Variants in EPHA6 observed in about 807,000 individuals in gnomAD.
EPHA6 encodes EPH receptor A6.
EPHA6 carries 50 observed loss-of-function variants against 112.0 expected under a neutral mutation model. The observed-to-expected ratio is 0.45, with a 90% CI of 0.36 to 0.56. The LOEUF (loss-of-function observed/expected upper bound fraction) is 0.56. EPHA6 is among the 20% of genes least tolerant of loss of function. The pLI is 0.00. For synonymous variants in EPHA6, 529 were observed against 490.7 expected (o/e 1.08, Z -1.03); for missense variants, 1,280 against 1,417.4 (o/e 0.90, Z 1.56).
At chr3:97,113,860 A>G (rs1375943222) in intron 3 of EPHA6, among the ~76,000 whole-genome samples, 1 of 152,142 alleles carries the variant, frequency 6.6e-6, no homozygotes. Flanking sequence ...AAGGAAAAGA[A>G]AAACAAAAAC....
chr3:97,543,333 A>C, intron 11 of EPHA6, among the ~76,000 whole-genome samples: 1 of 152,110 alleles, frequency 6.6e-6, no homozygotes, highest in Admixed American at 6.6e-5. Flanking sequence ...TTTTCCCAGC[A>C]CCATTTATTA....
intron 3 of EPHA6, among the ~76,000 whole-genome samples, chr3:97,212,267 G>A (rs2077897830): frequency 6.6e-6 from 1 of 152,154 alleles, no homozygotes; most frequent in Non-Finnish European, 1.5e-5. Context: ...CAAATATGAA[G>A]AAAGTAATAT....
intron 11 of EPHA6, among the ~76,000 whole-genome samples, chr3:97,580,955 A>T (rs967500426): frequency 1.3e-5 from 2 of 152,198 alleles, no homozygotes; most frequent in Non-Finnish European, 2.9e-5. Context: ...TTGAGGTGAA[A>T]TTGGCTGGCT....
rs868188344 is a variant in EPHA6 at position 96,981,971 on chromosome 3, G to T, written c.451-5359G>T. 3.3e-5 allele frequency among the ~76,000 whole-genome samples: 5 copies of T among 152,076 alleles called. No individual in the cohort carries two copies. In the South Asian group the frequency reaches 8.3e-4, roughly 25 times the overall value. On this transcript the variant is annotated intron_variant, in intron 2 of 17. Transcript: ENST00000389672. Reference sequence around the variant, plus strand: ...TTCTTCTTTATTAGTCCTGCTAGCGGTCTATCAATTTTGTTGATCTTTTCA... The same window carrying T: ...TTCTTCTTTATTAGTCCTGCTAGCGTTCTATCAATTTTGTTGATCTTTTCA...
chr3:97,190,598 G>A (rs2077275445), intron 3 of EPHA6, among the ~76,000 whole-genome samples: 1 of 151,962 alleles, frequency 6.6e-6, no homozygotes. Flanking sequence ...TATTATTTAT[G>A]TTTTAATTGA....
chr3:97,033,618 A>G (rs1031863615), intron 3 of EPHA6, among the ~76,000 whole-genome samples: 2 of 151,996 alleles, frequency 1.3e-5, no homozygotes, highest in African/African-American at 2.4e-5. Context: ...TCTATAGAAA[A>G]TTGCACATAT....
At chr3:97,074,977 T>A (rs181032956) in intron 3 of EPHA6, among the ~76,000 whole-genome samples, 15 of 152,122 alleles carry the variant, frequency 9.9e-5, no homozygotes, top group Non-Finnish European at 1.8e-4. Context: ...TACCGTGTTA[T>A]CAGAACTAGT....
At chr3:97,690,501 C>A (rs563558254) in intron 14 of EPHA6, among the ~76,000 whole-genome samples, 1 of 149,934 alleles carries the variant, frequency 6.7e-6, no homozygotes, top group African/African-American at 2.5e-5. Context: ...GAGTTTCACT[C>A]TTGTTGCCCA....
chr3:97,224,809 C>G (rs1027475817), intron 3 of EPHA6, among the ~76,000 whole-genome samples: 2 of 151,612 alleles, frequency 1.3e-5, no homozygotes, highest in African/African-American at 4.8e-5. Context: ...ATGTAAGCTC[C>G]CCATTTAGAT....
intron 5 of EPHA6, among the ~76,000 whole-genome samples, chr3:97,330,205 G>A (rs1172335129): frequency 6.6e-6 from 1 of 152,126 alleles, no homozygotes; most frequent in Non-Finnish European, 1.5e-5. Flanking sequence ...GTACCATGCT[G>A]TTTTGGTTAC....
At chr3:97,173,981 C>T (rs2076765637) in intron 3 of EPHA6, among the ~76,000 whole-genome samples, 1 of 151,598 alleles carries the variant, frequency 6.6e-6, no homozygotes, top group African/African-American at 2.4e-5. Context: ...CTTATTCATT[C>T]TTTCTATTTT....
At chr3:97,122,505 A>T (rs541267452) in intron 3 of EPHA6, among the ~76,000 whole-genome samples, 3 of 152,216 alleles carry the variant, frequency 2.0e-5, no homozygotes, top group African/African-American at 7.2e-5. Flanking sequence ...TAATCCTTAT[A>T]TAAATCAAAA....
chr3:97,057,403 T>C (rs947044818), intron 3 of EPHA6, among the ~76,000 whole-genome samples: 2 of 152,226 alleles, frequency 1.3e-5, no homozygotes, highest in African/African-American at 4.8e-5. Flanking sequence ...GATGCTATGA[T>C]GGTTAAGTCT....
At chr3:97,660,106 T>A (rs1012868797) in intron 14 of EPHA6, among the ~76,000 whole-genome samples, 7 of 152,114 alleles carry the variant, frequency 4.6e-5, no homozygotes, top group African/African-American at 7.2e-5. Context: ...TGCATTTTTT[T>A]AATTTTTACT....
At chr3:97,436,872 C>T (rs560796072) in intron 6 of EPHA6, among the ~76,000 whole-genome samples, 2 of 152,200 alleles carry the variant, frequency 1.3e-5, no homozygotes, top group East Asian at 3.9e-4. Flanking sequence ...ATCCAGTTAG[C>T]ACTACTGTAA....
chr3:97,258,463 A>G (rs2079390698), intron 5 of EPHA6, among the ~76,000 whole-genome samples: 2 of 152,142 alleles, frequency 1.3e-5, no homozygotes, highest in East Asian at 3.9e-4. Context: ...CATTGTGTTC[A>G]GTTGTGCAAA....
chr3:97,481,373 G>C (rs972043666), intron 9 of EPHA6: 1 of 1,527,646 alleles, frequency 6.5e-7, no homozygotes, highest in Non-Finnish European at 9.1e-7. Flanking sequence ...CTGAGAAGGA[G>C]TTTCTACTCC....
chr3:97,614,306 T>C (rs925401842), intron 13 of EPHA6, among the ~76,000 whole-genome samples: 1 of 151,120 alleles, frequency 6.6e-6, no homozygotes. Context: ...TGCAAGATGG[T>C]GTGTTCATGA....
At chr3:97,534,507 C>T (rs1455562881) in intron 11 of EPHA6, among the ~76,000 whole-genome samples, 2 of 127,956 alleles carry the variant, frequency 1.6e-5, no homozygotes, top group African/African-American at 6.0e-5. Context: ...GAGTTTTATA[C>T]TTTAATTATC....
Sources: allele counts gnomAD v4.1 joint callset (sites outside exome capture counted in the v4.1 genomes callset), GRCh38; gene constraint gnomAD v4.1.1; transcripts MANE v1.5; gene names NCBI Gene and HGNC (gene_info 2026-07-23, HGNC 2026-07-21).